The following PRKN variants were observed in gnomAD, a reference collection of about 807,000 sequenced individuals.
PRKN encodes the protein parkin RBR E3 ubiquitin protein ligase, also known as E3 ubiquitin-protein ligase parkin.
In PRKN, 56 loss-of-function variants were observed where a neutral mutation model predicts 59.5. That is an observed-to-expected ratio of 0.94 (90% CI 0.76 to 1.18). PRKN has a LOEUF of 1.18. Ranked by LOEUF, PRKN falls within the 50% of genes most tolerant of loss-of-function variation. PRKN has a pLI of 0.00. For missense variants in PRKN, 657 were observed against 596.4 expected (o/e 1.10, Z -1.06); for synonymous variants, 250 against 222.1 (o/e 1.13, Z -1.12).
chr6:162,135,502 T>C (rs1367131691), intron 4 of PRKN, among the ~76,000 whole-genome samples: 6 of 152,170 alleles, frequency 3.9e-5, no homozygotes, highest in African/African-American at 1.4e-4. Flanking sequence ...ACCTACAGAC[T>C]GACTGAGGCA....
intron 6 of PRKN, among the ~76,000 whole-genome samples, chr6:161,890,327 G>C (rs1795296122): frequency 6.6e-6 from 1 of 152,128 alleles, no homozygotes; most frequent in African/African-American, 2.4e-5. Flanking sequence ...GGATGAAAGA[G>C]GCCTTAATCC....
At chr6:161,367,595 G>A (rs895624169) in intron 10 of PRKN, among the ~76,000 whole-genome samples, 1 of 151,830 alleles carries the variant, frequency 6.6e-6, no homozygotes. Context: ...CCCAATGAAC[G>A]ACATGGCATT....
chr6:162,170,079 A>G (rs1783200136), intron 4 of PRKN, among the ~76,000 whole-genome samples: 1 of 152,178 alleles, frequency 6.6e-6, no homozygotes, highest in African/African-American at 2.4e-5. Context: ...TGTACAGGAG[A>G]GTGGCTCCCT....
chr6:162,488,668 C>T (rs1220950840), intron 1 of PRKN, among the ~76,000 whole-genome samples: 1 of 152,134 alleles, frequency 6.6e-6, no homozygotes, highest in African/African-American at 2.4e-5. Context: ...TAAATGAGAA[C>T]AATACTGCTC....
At chr6:162,566,487 G>A (rs1216715021) in intron 1 of PRKN, among the ~76,000 whole-genome samples, 1 of 152,072 alleles carries the variant, frequency 6.6e-6, no homozygotes, top group Non-Finnish European at 1.5e-5. Flanking sequence ...AGGATCATTA[G>A]TGGCTACTAT....
intron 1 of PRKN, among the ~76,000 whole-genome samples, chr6:162,632,348 C>T (rs141187596): frequency 1.5e-3 from 222 of 152,278 alleles, no homozygotes; most frequent in East Asian, 0.012. Context: ...GAAATCATGT[C>T]CTTTGCAGCA....
intron 1 of PRKN, among the ~76,000 whole-genome samples, chr6:162,616,389 T>C (rs2128219858): frequency 6.6e-6 from 1 of 152,278 alleles, no homozygotes; most frequent in South Asian, 2.1e-4. Context: ...GACTTAGCAA[T>C]GTGCACAACT....
intron 7 of PRKN, among the ~76,000 whole-genome samples, chr6:161,633,354 C>G (rs758419508): frequency 6.6e-6 from 1 of 152,172 alleles, no homozygotes; most frequent in East Asian, 1.9e-4. Context: ...CCTAAACATA[C>G]AATGTTCCAA....
chr6:162,573,483 C>G (rs1192067775), intron 1 of PRKN, among the ~76,000 whole-genome samples: 2 of 152,174 alleles, frequency 1.3e-5, no homozygotes, highest in African/African-American at 4.8e-5. Flanking sequence ...TGACAACGTT[C>G]CAGCTAGACC....
intron 6 of PRKN, among the ~76,000 whole-genome samples, chr6:161,815,205 A>G (rs1427314389): frequency 6.6e-6 from 1 of 152,214 alleles, no homozygotes; most frequent in Non-Finnish European, 1.5e-5. Context: ...GGACACTCGC[A>G]CTTACTTCTT....
intron 1 of PRKN, among the ~76,000 whole-genome samples, chr6:162,447,802 C>G (rs2128169499): frequency 6.6e-6 from 1 of 152,258 alleles, no homozygotes; most frequent in Non-Finnish European, 1.5e-5. Flanking sequence ...CAATGTCATT[C>G]ATCAGCACAG....
At chr6:161,387,137 G>A (rs1562412995) in intron 9 of PRKN, among the ~76,000 whole-genome samples, 1 of 152,100 alleles carries the variant, frequency 6.6e-6, no homozygotes, top group Non-Finnish European at 1.5e-5. Flanking sequence ...TTCCAGTCTA[G>A]TGGAAGACAC....
Position 161,388,045 on chromosome 6 carries a change from C to G in PRKN, c.1084-1168G>C, listed in dbSNP as rs1266189739. 1.3e-5 allele frequency among the ~76,000 whole-genome samples: 2 copies of G among 152,182 alleles called. No homozygotes were observed. The highest frequency in any genetic ancestry group is 2.9e-5 in the Non-Finnish European group (2 of 68,042). On this transcript the variant is annotated intron_variant, in intron 9 of 11. Coordinates refer to ENST00000366898, the MANE Select transcript of PRKN (RefSeq NM_004562.3). This position sits in a 1 kb window ranked among gnomAD's most constrained non-coding sequence, Gnocchi z 4.3. ...GGCTGTCTGTCTGGGATCCATGGAC[C>G]TCTCCTGAAAGCACGTCCCATTCTC...
At chr6:161,665,770 T>G (rs947600262) in intron 7 of PRKN, among the ~76,000 whole-genome samples, 4 of 152,232 alleles carry the variant, frequency 2.6e-5, no homozygotes, top group Admixed American at 2.6e-4. Flanking sequence ...ATCGGCCTTT[T>G]CTTCATATTA....
At chr6:162,351,817 G>GT (rs1784638174) in intron 2 of PRKN, among the ~76,000 whole-genome samples, 1 of 151,984 alleles carries the variant, frequency 6.6e-6, no homozygotes, top group Non-Finnish European at 1.5e-5. Context: ...TATACCCTGA[G>GT]GTTTTTGTGT....
chr6:161,568,128 C>T (rs1780723716), intron 8 of PRKN, among the ~76,000 whole-genome samples: 1 of 152,216 alleles, frequency 6.6e-6, no homozygotes, highest in Non-Finnish European at 1.5e-5. Context: ...CCTCTCCTTA[C>T]TAATCCTTTT....
chr6:161,857,706 T>C (rs769591893), intron 6 of PRKN, among the ~76,000 whole-genome samples: 3 of 152,296 alleles, frequency 2.0e-5, no homozygotes, highest in South Asian at 2.1e-4. Flanking sequence ...ATAACAACAT[T>C]GGTGTGTTAC....
intron 1 of PRKN, among the ~76,000 whole-genome samples, chr6:162,716,754 G>A (rs1175401477): frequency 6.7e-6 from 1 of 148,706 alleles, no homozygotes; most frequent in African/African-American, 2.5e-5. Context: ...CACCCTACCC[G>A]CCTGCGCGCG....
intron 2 of PRKN, among the ~76,000 whole-genome samples, chr6:162,314,982 C>A (rs896469385): frequency 6.6e-6 from 1 of 152,068 alleles, no homozygotes; most frequent in Non-Finnish European, 1.5e-5. Context: ...CAGTAGATCA[C>A]CAGGGTTTCA....
Sources: gnomAD v4.1 joint callset for allele counts (sites outside exome capture counted in the v4.1 genomes callset) on GRCh38, gnomAD v4.1.1 for gene constraint, Gnocchi (gnomAD v3.1) non-coding constraint, MANE v1.5 for transcripts, NCBI Gene and HGNC (gene_info 2026-07-23, HGNC 2026-07-21) for gene names.